The following WSCD1 variants were observed in gnomAD, a reference collection of about 807,000 sequenced individuals.
WSCD1 encodes the protein sialate:O-sulfotransferase 1.
WSCD1 carries 41 observed loss-of-function variants against 60.4 expected under a neutral mutation model. The ratio of observed to expected loss-of-function variants is 0.68; its 90% confidence interval spans 0.53 to 0.88. The LOEUF (loss-of-function observed/expected upper bound fraction) is 0.88. WSCD1 is among the 40% of genes least tolerant of loss of function. The probability of loss-of-function intolerance (pLI) is 0.00; values close to 1 mark genes in which losing one functional copy is unlikely to be tolerated. For missense variants in WSCD1, 784 were observed against 796.2 expected (o/e 0.98, Z 0.18); for synonymous variants, 361 against 332.5 (o/e 1.09, Z -0.93).
chr17:6,090,555 C>T (rs1294232384), intron 4 of WSCD1, 50 bp downstream of exon 4: 2 of 1,591,226 alleles, frequency 1.3e-6, no homozygotes, highest in African/African-American at 2.7e-5. Context: ...CCCACCCGCT[C>T]TGGCTGCCCA....
chr17:6,108,007 C>T (rs970981143), intron 5 of WSCD1, among the ~76,000 whole-genome samples: 2 of 152,008 alleles, frequency 1.3e-5, no homozygotes, highest in South Asian at 2.1e-4. Flanking sequence ...CGAGGAGAGT[C>T]GGGAGAGGCT....
chr17:6,088,118 C>T lies in WSCD1; in HGVS notation c.542+14C>T, dbSNP rs764024213. ...GTGTGCTGAGCGGTGAGTGCTGGGG[C>T]CCTGGACTGTTGATTCTAGAGGCAG... On this transcript the variant is annotated intron_variant, in intron 3 of 8. Coordinates refer to ENST00000317744, the MANE Select transcript of WSCD1 (RefSeq NM_015253.2). 1 of 1,609,270 alleles carries T rather than the reference C, an allele frequency of 6.2e-7. No homozygotes were observed. The highest frequency in any genetic ancestry group is 8.5e-7 in the Non-Finnish European group (1 of 1,175,804).
chr17:6,111,473 G>A (rs1223119135), intron 7 of WSCD1, among the ~76,000 whole-genome samples: 55 of 152,142 alleles, frequency 3.6e-4, no homozygotes. Flanking sequence ...GGCTGAGGTG[G>A]GTGGATCGCC....
chr17:6,081,675 C>T (rs973916283), intron 2 of WSCD1, among the ~76,000 whole-genome samples: 1 of 151,256 alleles, frequency 6.6e-6, no homozygotes, highest in Non-Finnish European at 1.5e-5. Context: ...CGGGCCACTG[C>T]ACTCCAGCCT....
intron 4 of WSCD1, among the ~76,000 whole-genome samples, chr17:6,092,911 C>T (rs1323328127): frequency 6.6e-6 from 1 of 152,146 alleles, no homozygotes; most frequent in African/African-American, 2.4e-5. Context: ...TGGAGCCCCC[C>T]GTGAGGTACC....
chr17:6,097,955 T>C (rs72839892), intron 5 of WSCD1, among the ~76,000 whole-genome samples: 112 of 71,796 alleles, frequency 1.6e-3, no homozygotes, highest in African/African-American at 5.2e-3. Flanking sequence ...GTTCTTTCTT[T>C]TTTTTTTTTT....
rs1908806825 is a variant in WSCD1, at chr17:6,075,670, C to T, written c.-288-4701C>T. ...AACTCAGAATCTCCCTCCCCAGGCCCTGCTCTTCTGTAGGGTGACCCCAGG... is the reference window on the plus strand; with the variant it reads ...AACTCAGAATCTCCCTCCCCAGGCCTTGCTCTTCTGTAGGGTGACCCCAGG... On this transcript the variant is annotated intron_variant, in intron 1 of 8. Coordinates refer to ENST00000317744, the MANE Select transcript of WSCD1 (RefSeq NM_015253.2). The surrounding 1 kb of genome is among the most constrained non-coding windows in gnomAD (Gnocchi z 4.1). 6.6e-6 allele frequency among the ~76,000 whole-genome samples: 1 copy of T among 152,200 alleles called. No homozygotes were observed. The highest frequency in any genetic ancestry group is 2.4e-5 in the African/African-American group (1 of 41,460).
intron 7 of WSCD1, among the ~76,000 whole-genome samples, chr17:6,113,230 G>C (rs1348787136): frequency 6.6e-6 from 1 of 152,174 alleles, no homozygotes; most frequent in African/African-American, 2.4e-5. Flanking sequence ...GTGTTGGGAA[G>C]ACTGGATAAC....
rs762192837 is a variant in WSCD1 at position 6,101,805 on chromosome 17, G to A, written c.849+6582G>A. ...GCAAGAGTGAGCAGGGGGCAGCTTC[G>A]ATATTTGCATTGCTACCAATTCAGA... is the stretch of plus-strand genomic sequence containing the variant. On this transcript the variant is annotated intron_variant, in intron 5 of 8. Coordinates refer to ENST00000317744, the MANE Select transcript of WSCD1 (RefSeq NM_015253.2). The surrounding 1 kb of genome is among the most constrained non-coding windows in gnomAD (Gnocchi z 4.1). Among the ~76,000 whole-genome samples the A allele has an allele frequency of 2.0e-5, 3 of 152,182 alleles. No homozygotes were observed. Among genetic ancestry groups the A allele is most frequent in the Non-Finnish European group, 4.4e-5 (3 of 68,044 alleles).
At chr17:6,094,333 A>T (rs1910249240) in intron 4 of WSCD1, among the ~76,000 whole-genome samples, 1 of 152,194 alleles carries the variant, frequency 6.6e-6, no homozygotes, top group South Asian at 2.1e-4. Context: ...GATCAGAGAG[A>T]GGCAAACCTT....
chr17:6,090,336 C>T lies in WSCD1; in HGVS notation c.558C>T (p.Ala186=), dbSNP rs142468752. The T allele has an allele frequency of 6.5e-4, 1,038 of 1,603,412 alleles. No homozygotes were observed. Among genetic ancestry groups the T allele is most frequent in the Middle Eastern group, 3.7e-3 (22 of 5,978 alleles). ...DACAERSYVY[A]GLEAGAECYC... is the part of the protein sequence containing the mutation. ...CTCCCTGCAGGTCCTATGTCTACGCCGGCTTGGAGGCCGGGGCGGAGTGTT... is the reference window on the plus strand; with the variant it reads ...CTCCCTGCAGGTCCTATGTCTACGCTGGCTTGGAGGCCGGGGCGGAGTGTT... Residue 186 remains alanine, a synonymous_variant, in exon 4 of 9, where the codon GCC becomes GCT. Coordinates refer to ENST00000317744, the MANE Select transcript of WSCD1 (RefSeq NM_015253.2).
chr17:6,082,847 C>T (rs572775412), intron 2 of WSCD1, among the ~76,000 whole-genome samples: 78 of 152,206 alleles, frequency 5.1e-4, no homozygotes, highest in African/African-American at 1.8e-3. Context: ...TTGATCATGA[C>T]GAGAAGGTTC....
chr17:6,097,505 C>A (rs1163738356), intron 5 of WSCD1, among the ~76,000 whole-genome samples: 1 of 152,262 alleles, frequency 6.6e-6, no homozygotes, highest in Non-Finnish European at 1.5e-5. Flanking sequence ...CTGAACTCTT[C>A]ACCGGACAGC....
chr17:6,118,237 G>C lies in WSCD1; in HGVS notation c.1375+49G>C. 2 of 1,591,022 alleles carry C rather than the reference G, an allele frequency of 1.3e-6. No homozygotes were observed. The highest frequency in any genetic ancestry group is 1.7e-6 in the Non-Finnish European group (2 of 1,166,626). ...GGTGGGAGGCTTGTCAGTACAGGTA[G>C]GTTGCTCATCAGGATGCAGGATCAA... On this transcript the variant is annotated intron_variant, in intron 8 of 8. Transcript: ENST00000317744. This position sits in a 1 kb window ranked among gnomAD's most constrained non-coding sequence, Gnocchi z 5.8.
chr17:6,090,998 C>T (rs2150545647), intron 4 of WSCD1, among the ~76,000 whole-genome samples: 1 of 152,274 alleles, frequency 6.6e-6, no homozygotes, highest in South Asian at 2.1e-4. Flanking sequence ...TCAAACAATT[C>T]TCCTGCCTCA....
chr17:6,095,371 C>A, intron 5 of WSCD1, 148 bp downstream of exon 5: 5 of 1,134,390 alleles, frequency 4.4e-6, no homozygotes, highest in Non-Finnish European at 5.9e-6. Flanking sequence ...AGGCAGGCAC[C>A]AGGTACCACA....
At position 6,109,673 on chromosome 17, in the gene WSCD1, C is replaced by T. The variant is rs1161251902; in HGVS notation, c.916C>T (p.Leu306=). Residue 306 remains leucine, a synonymous_variant, in exon 6 of 9, where the codon CTG becomes TTG. Coordinates refer to ENST00000317744, the MANE Select transcript of WSCD1 (RefSeq NM_015253.2). ...YCAYPTPRFN[L]RDAMDSSVCG... is the part of the protein sequence containing the mutation. ...TGCTTACCCTACCCCCCGGTTCAAC[C>T]TGCGGGATGCCATGGACAGCTCAGT... 6.2e-7 allele frequency: 1 copy of T among 1,614,200 alleles called. No individual in the cohort carries two copies. The highest frequency in any genetic ancestry group is 1.7e-5 in the Admixed American group (1 of 60,032).
In WSCD1 at chr17:6,101,520, C is replaced by G. The variant is rs1302970617; in HGVS notation, c.849+6297C>G. On this transcript the variant is annotated intron_variant, in intron 5 of 8. Coordinates refer to ENST00000317744, the MANE Select transcript of WSCD1 (RefSeq NM_015253.2). The surrounding 1 kb of genome is among the most constrained non-coding windows in gnomAD (Gnocchi z 4.1). ...TTATTTGTGGCCCCAGATAAAATGT[C>G]TACTGTTTTTGCTAGTTCGCGAAAA... Among the ~76,000 whole-genome samples the G allele has an allele frequency of 1.3e-5, 2 of 152,118 alleles. No homozygotes were observed. The highest frequency in any genetic ancestry group is 3.9e-4 in the East Asian group (2 of 5,186).
intron 6 of WSCD1, 139 bp downstream of exon 6, chr17:6,109,905 G>C: frequency 1.7e-6 from 2 of 1,185,704 alleles, no homozygotes; most frequent in South Asian, 1.7e-5. Context: ...TTGGCATCTT[G>C]ATGGGTGTTG....
Sources: gnomAD v4.1 joint callset for allele counts (sites outside exome capture counted in the v4.1 genomes callset) on GRCh38, gnomAD v4.1.1 for gene constraint, Gnocchi (gnomAD v3.1) non-coding constraint, MANE v1.5 for transcripts, NCBI Gene and HGNC (gene_info 2026-07-23, HGNC 2026-07-21) for gene names.